Variants in ADAMTS14 observed in about 807,000 individuals in gnomAD.
ADAMTS14 encodes the protein ADAM metallopeptidase with thrombospondin type 1 motif 14.
ADAMTS14 carries 100 observed loss-of-function variants against 128.6 expected under a neutral mutation model. That is an observed-to-expected ratio of 0.78 (90% CI 0.66 to 0.92). The LOEUF (loss-of-function observed/expected upper bound fraction) is 0.92, where lower values mean the gene tolerates loss of function less well. Among genes scored for constraint, ADAMTS14 ranks in the 40% least tolerant of loss-of-function variants. The probability of loss-of-function intolerance (pLI) is 0.00; values close to 1 mark genes in which losing one functional copy is unlikely to be tolerated. For synonymous variants in ADAMTS14, 665 were observed against 653.8 expected (o/e 1.02, Z -0.26); for missense variants, 1,562 against 1,658.6 (o/e 0.94, Z 1.01).
chr10:70,682,215 A>C (rs1250820597), intron 2 of ADAMTS14, among the ~76,000 whole-genome samples: 1 of 151,918 alleles, frequency 6.6e-6, no homozygotes, highest in African/African-American at 2.4e-5. Flanking sequence ...TAACAGAAGA[A>C]AGAGAAGAGG....
At chr10:70,760,138 G>C (rs1170135735) in intron 21 of ADAMTS14, among the ~76,000 whole-genome samples, 1 of 152,186 alleles carries the variant, frequency 6.6e-6, no homozygotes, top group Non-Finnish European at 1.5e-5. Context: ...ATCACTTTGA[G>C]ATCTGCTGCT....
At position 70,753,937 on chromosome 10, in the gene ADAMTS14, G is replaced by T. The variant is rs778750921; in HGVS notation, c.2867G>T (p.Arg956Leu). Residue 956 changes from arginine (R) to leucine (L), a missense_variant, in exon 19 of 22, where the codon CGG becomes CTG. By Grantham distance (102) the Arg-to-Leu change is moderately radical (BLOSUM62 -2). Coordinates refer to ENST00000373207, the MANE Select transcript of ADAMTS14 (RefSeq NM_080722.4). Reference sequence around the variant, plus strand: ...CCGGCCAAAGCCTGCGCCGGGGACCGGCCTGAGGCCCGACGGCCCTGTCTC... The same window carrying T: ...CCGGCCAAAGCCTGCGCCGGGGACCTGCCTGAGGCCCGACGGCCCTGTCTC... The part of the protein sequence containing the change: ...VMPAKACAGD[R>L]PEARRPCLRV... The T allele has an allele frequency of 1.6e-5, 26 of 1,587,510 alleles. No individual in the cohort carries two copies. The highest frequency in any genetic ancestry group is 2.2e-5 in the Non-Finnish European group (26 of 1,167,898).
At chr10:70,755,313 C>CAAAAAA (rs33982477) in intron 19 of ADAMTS14, among the ~76,000 whole-genome samples, 6 of 118,194 alleles carry the variant, frequency 5.1e-5, no homozygotes, top group Non-Finnish European at 6.9e-5. Context: ...GCTTGTCTCA[C>CAAAAAA]AAAAAAAAAA....
intron 7 of ADAMTS14, among the ~76,000 whole-genome samples, chr10:70,732,784 T>C (rs759525573): frequency 1.3e-5 from 2 of 152,196 alleles, no homozygotes; most frequent in Admixed American, 6.5e-5. Flanking sequence ...TCAGCACTCA[T>C]TGGAGTGCTG....
Position 70,738,854 on chromosome 10 carries a change from G to T in ADAMTS14, c.1612G>T (p.Gly538Cys). 2.5e-6 allele frequency: 4 copies of T among 1,614,078 alleles called. No homozygotes were observed. Among genetic ancestry groups the T allele is most frequent in the Non-Finnish European group, 2.5e-6 (3 of 1,180,028 alleles). ...ECAPGKWCFK[G>C]HCIWKSPEQT... Reference sequence around the variant, plus strand: ...TGCTCTGCCCCAGTGGTGCTTCAAAGGTCACTGCATCTGGAAGTCGCCGGA... The same window carrying T: ...TGCTCTGCCCCAGTGGTGCTTCAAATGTCACTGCATCTGGAAGTCGCCGGA... The change falls in exon 11 of 22, where the codon GGT becomes TGT. Residue 538 changes from glycine to cysteine, a missense_variant. Coordinates refer to ENST00000373207, the MANE Select transcript of ADAMTS14 (RefSeq NM_080722.4).
chr10:70,692,398 G>T (rs1432236605), intron 2 of ADAMTS14, among the ~76,000 whole-genome samples: 1 of 152,222 alleles, frequency 6.6e-6, no homozygotes, highest in African/African-American at 2.4e-5. Flanking sequence ...CTGAGAGAGG[G>T]CTGGTGCCGC....
chr10:70,716,702 G>A (rs894829458), intron 4 of ADAMTS14, among the ~76,000 whole-genome samples: 1 of 152,062 alleles, frequency 6.6e-6, no homozygotes. Flanking sequence ...CCTGATTTCC[G>A]GGGCCAGGTC....
intron 3 of ADAMTS14, among the ~76,000 whole-genome samples, chr10:70,704,994 C>T (rs1022553798): frequency 6.6e-6 from 1 of 151,586 alleles, no homozygotes. Context: ...ACACTGACAC[C>T]CCCTACATAC....
In ADAMTS14 at chr10:70,762,263, G is replaced by A. The variant is rs919444393; in HGVS notation, c.*1410G>A. ...CCCTGGCCTGCAACCCCTTTGGAGA[G>A]TGGAGGTCCTGGGGGGCTCCCCGCC... On this transcript the variant is annotated 3_prime_UTR_variant, in exon 22 of 22. Transcript: ENST00000373207. 3 of 152,412 alleles carry A rather than the reference G, an allele frequency of 2.0e-5. No individual in the cohort carries two copies. Among genetic ancestry groups the A allele is most frequent in the Admixed American group, 6.5e-5 (1 of 15,286 alleles). 9.4% of individuals were successfully genotyped at this position (152,412 alleles called of 1,614,324 possible). A position where few individuals can be genotyped will look rare whatever the true frequency, so the allele number is the denominator to read the frequency against.
chr10:70,747,684 C>T (rs2791184), intron 15 of ADAMTS14, among the ~76,000 whole-genome samples: 153 of 152,234 alleles, frequency 1.0e-3, no homozygotes, highest in Admixed American at 2.7e-3. Flanking sequence ...CGGGGCAGGC[C>T]GAGTGCGGGC....
intron 2 of ADAMTS14, among the ~76,000 whole-genome samples, chr10:70,696,201 C>T (rs1208939296): frequency 6.6e-6 from 1 of 152,102 alleles, no homozygotes; most frequent in Non-Finnish European, 1.5e-5. Context: ...GGGGTGCTAG[C>T]TGCAGGAGCT....
At position 70,730,219 on chromosome 10, in the gene ADAMTS14, T is replaced by C. The variant is rs1413064811; in HGVS notation, c.1072T>C (p.Phe358Leu). 2 of 1,614,120 alleles carry C rather than the reference T, an allele frequency of 1.2e-6. No homozygotes were observed. The highest frequency in any genetic ancestry group is 1.7e-6 in the Non-Finnish European group (2 of 1,179,982). The change falls in exon 6 of 22, where the codon TTC becomes CTC. Residue 358 changes from phenylalanine to leucine, a missense_variant. Coordinates refer to ENST00000373207, the MANE Select transcript of ADAMTS14 (RefSeq NM_080722.4). ...CGCTGAGCACCATGACCACGTTGTGTTCCTCACCCGGCAGGACTTTGGGCC... is the reference window on the plus strand; with the variant it reads ...CGCTGAGCACCATGACCACGTTGTGCTCCTCACCCGGCAGGACTTTGGGCC... ...SHAEHHDHVV[F>L]LTRQDFGPSG... is the part of the protein sequence containing the mutation.
chr10:70,685,734 G>A (rs1024429634), intron 2 of ADAMTS14, among the ~76,000 whole-genome samples: 6 of 152,138 alleles, frequency 3.9e-5, no homozygotes, highest in African/African-American at 1.4e-4. Flanking sequence ...ACTCAAGGTC[G>A]TAAACTGTGT....
intron 4 of ADAMTS14, among the ~76,000 whole-genome samples, chr10:70,725,515 G>A (rs980807521): frequency 2.0e-5 from 3 of 152,172 alleles, no homozygotes; most frequent in Non-Finnish European, 4.4e-5. Context: ...TTGGTGACTG[G>A]TGAGAGCCCG....
At position 70,674,446 on chromosome 10, in the gene ADAMTS14, C is replaced by A. The variant is rs1839578188; in HGVS notation, c.83-110C>A. 6.1e-6 allele frequency: 7 copies of A among 1,142,244 alleles called. 1 individual carries two copies. The South Asian group carries it at 8.6e-5, about 14-fold the overall frequency. The allele number at this position is 1,142,244 out of a possible 1,614,324, so 70.8% of individuals were successfully genotyped here. ...GGTGAACTCAGGCTAAGGGGCCCACCTAAGGGTGACACTGAGAGTTCCTAT... is the reference window on the plus strand; with the variant it reads ...GGTGAACTCAGGCTAAGGGGCCCACATAAGGGTGACACTGAGAGTTCCTAT... On this transcript the variant is annotated intron_variant, in intron 1 of 21. Transcript: ENST00000373207.
chr10:70,760,941 C>A lies in ADAMTS14; in HGVS notation c.*88C>A. The A allele has an allele frequency of 2.1e-6, 3 of 1,449,412 alleles. No individual in the cohort carries two copies. The highest frequency in any genetic ancestry group is 2.7e-6 in the Non-Finnish European group (3 of 1,097,114). The allele number at this position is 1,449,412 out of a possible 1,614,324, so 89.8% of individuals were successfully genotyped here. ...CAGAGGACACACATAGCAGGGCAGG[C>A]GCAAGCACAGACTTCATTTTAAATC... On this transcript the variant is annotated 3_prime_UTR_variant, in exon 22 of 22. Transcript: ENST00000373207.
chr10:70,728,437 T>C (rs1295090547), intron 4 of ADAMTS14, among the ~76,000 whole-genome samples: 2 of 152,228 alleles, frequency 1.3e-5, no homozygotes, highest in Non-Finnish European at 2.9e-5. Context: ...AACAAGGTTA[T>C]TTAAAACAAA....
chr10:70,720,880 C>T (rs186916438), intron 4 of ADAMTS14, among the ~76,000 whole-genome samples: 2 of 152,280 alleles, frequency 1.3e-5, no homozygotes. Flanking sequence ...CATATTTCAT[C>T]AAATCTAAGA....
At chr10:70,678,091 C>A (rs1038711345) in intron 2 of ADAMTS14, among the ~76,000 whole-genome samples, 1 of 152,212 alleles carries the variant, frequency 6.6e-6, no homozygotes, top group African/African-American at 2.4e-5. Context: ...GGCCCAGACA[C>A]AGCATGCATA....
Sources: gnomAD v4.1 joint callset for allele counts (sites outside exome capture counted in the v4.1 genomes callset) on GRCh38, gnomAD v4.1.1 for gene constraint, MANE v1.5 for transcripts, NCBI Gene and HGNC (gene_info 2026-07-23, HGNC 2026-07-21) for gene names.